Variants in PKP4 observed in about 807,000 individuals in gnomAD.
The protein encoded by PKP4 is plakophilin-4.
A neutral mutation model predicts 145.1 loss-of-function variants in PKP4; 90 were observed. The ratio of observed to expected loss-of-function variants is 0.62; its 90% CI spans 0.52 to 0.74. The LOEUF (loss-of-function observed/expected upper bound fraction) is 0.74. PKP4 is among the 30% of genes least tolerant of loss of function. The pLI, the probability that PKP4 is intolerant of heterozygous loss-of-function variation, is 0.00. For missense variants in PKP4, 1,340 were observed against 1,482.7 expected (o/e 0.90, Z 1.58); for synonymous variants, 563 against 577.2 (o/e 0.98, Z 0.35).
At chr2:158,462,157 A>T (rs1689869401) in intron 1 of PKP4, among the ~76,000 whole-genome samples, 1 of 152,226 alleles carries the variant, frequency 6.6e-6, no homozygotes. Flanking sequence ...GTTTTGGCCC[A>T]TTGCAAGCTG....
At chr2:158,680,117 CA>C (rs2058339744) in intron 21 of PKP4, among the ~76,000 whole-genome samples, 1 of 152,196 alleles carries the variant, frequency 6.6e-6, no homozygotes, top group Admixed American at 6.5e-5. Context: ...CAGCTGAGCA[CA>C]CAGCAGGGCC....
chr2:158,559,020 T>C (rs1389904860), intron 2 of PKP4, among the ~76,000 whole-genome samples: 3 of 152,206 alleles, frequency 2.0e-5, no homozygotes, highest in Non-Finnish European at 4.4e-5. Context: ...ATGTAGGATG[T>C]TGGGTTAGTT....
chr2:158,626,269 T>G (rs2052776006), intron 7 of PKP4, among the ~76,000 whole-genome samples: 1 of 152,204 alleles, frequency 6.6e-6, no homozygotes, highest in African/African-American at 2.4e-5. Flanking sequence ...TGCACACACA[T>G]TGTGTTTTCT....
rs142447618 is a variant in PKP4, at chr2:158,584,128, G to A, written c.245+6745G>A. ...CCTGCTGGCGGGGACCCAGTGATTC[G>A]AGGCCAACTGAGGCTCCGGCTCCGA... On this transcript the variant is annotated intron_variant, in intron 3 of 21. Transcript: ENST00000389759. Among the ~76,000 whole-genome samples, 248 of 152,274 alleles carry A rather than the reference G, an allele frequency of 1.6e-3. 1 individual carries two copies. The highest frequency in any genetic ancestry group is 5.8e-3 in the African/African-American group (241 of 41,546).
At chr2:158,475,884 G>A (rs1351574478) in intron 1 of PKP4, among the ~76,000 whole-genome samples, 1 of 152,158 alleles carries the variant, frequency 6.6e-6, no homozygotes, top group Non-Finnish European at 1.5e-5. Context: ...AATACAGACT[G>A]TTATGATTCA....
At chr2:158,588,577 A>G (rs1235029167) in intron 3 of PKP4, among the ~76,000 whole-genome samples, 1 of 152,162 alleles carries the variant, frequency 6.6e-6, no homozygotes, top group Non-Finnish European at 1.5e-5. Context: ...TCTGGGATAT[A>G]TTTCTTAAAA....
Position 158,631,581 on chromosome 2 carries a change from G to A in PKP4, c.1154-172G>A, listed in dbSNP as rs77912740. 0.099 allele frequency among the ~76,000 whole-genome samples: 14,964 copies of A among 151,434 alleles called. 830 individuals carry two copies. The highest frequency in any genetic ancestry group is 0.17 in the Middle Eastern group (48 of 290). ...TTTTTTAATTATTTTTTGTAGAGAT[G>A]GGGTCTCACTCTGTTCCCAGACTGG... On this transcript the variant is annotated intron_variant, in intron 7 of 21. Transcript: ENST00000389759.
At chr2:158,577,183 A>G (rs1007315331) in intron 2 of PKP4, 88 bp from the exon 3 acceptor site, 24 of 765,034 alleles carry the variant, frequency 3.1e-5, no homozygotes, top group East Asian at 2.4e-4. Context: ...GTACGTTCCT[A>G]TGTTTCCTGT....
At chr2:158,533,666 C>A in intron 2 of PKP4, 1 of 355,480 alleles carries the variant, frequency 2.8e-6, no homozygotes, top group South Asian at 2.3e-5. Context: ...AACCTGAGGC[C>A]TGTAATAGCG....
At chr2:158,599,903 C>T (rs764702986) in intron 3 of PKP4, among the ~76,000 whole-genome samples, 17 of 152,124 alleles carry the variant, frequency 1.1e-4, no homozygotes, top group Non-Finnish European at 2.2e-4. Flanking sequence ...TTTTCTGACT[C>T]CTAATATGGG....
chr2:158,539,987 T>C (rs976513963), intron 2 of PKP4, among the ~76,000 whole-genome samples: 1 of 152,154 alleles, frequency 6.6e-6, no homozygotes, highest in African/African-American at 2.4e-5. Context: ...AACAGGTTTA[T>C]TCAGTATTTG....
At chr2:158,607,557 G>A (rs922961101) in intron 4 of PKP4, among the ~76,000 whole-genome samples, 6 of 152,148 alleles carry the variant, frequency 3.9e-5, no homozygotes, top group African/African-American at 1.2e-4. Flanking sequence ...GTGTCCTAGA[G>A]CTGGAGCAGT....
intron 4 of PKP4, among the ~76,000 whole-genome samples, chr2:158,607,037 A>G (rs1021942759): frequency 1.3e-5 from 2 of 152,180 alleles, no homozygotes; most frequent in African/African-American, 2.4e-5. Context: ...ATAAAATTGT[A>G]TTGGTACCTT....
Position 158,663,411 on chromosome 2 carries a change from G to C in PKP4, c.2543G>C (p.Gly848Ala). The change falls in exon 15 of 22, where the codon GGG becomes GCG. Residue 848 changes from glycine (G) to alanine (A), a missense_variant. Physicochemically the swap from Gly to Ala is moderately conservative, Grantham distance 60 (BLOSUM62 0). Coordinates refer to ENST00000389759, the MANE Select transcript of PKP4 (RefSeq NM_003628.6). The part of the protein sequence containing the change: ...SNPATLEGSA[G>A]SLQNLSAGNW... Reference sequence around the variant, plus strand: ...CCAGCCACCTTGGAAGGCTCTGCAGGGTCTCTCCAGAACCTCTCTGCTGGC... The same window carrying C: ...CCAGCCACCTTGGAAGGCTCTGCAGCGTCTCTCCAGAACCTCTCTGCTGGC... The C allele has an allele frequency of 1.2e-6, 2 of 1,613,996 alleles. No individual in the cohort carries two copies.
At chr2:158,472,495 C>G (rs1178070817) in intron 1 of PKP4, among the ~76,000 whole-genome samples, 1 of 151,526 alleles carries the variant, frequency 6.6e-6, no homozygotes, top group African/African-American at 2.4e-5. Flanking sequence ...CGCCTATAAT[C>G]CCAGCTACTC....
chr2:158,463,343 C>T (rs528151870), intron 1 of PKP4, among the ~76,000 whole-genome samples: 2 of 150,922 alleles, frequency 1.3e-5, no homozygotes, highest in South Asian at 4.2e-4. Flanking sequence ...CATTTAACAC[C>T]ATTTGCCCAA....
intron 2 of PKP4, among the ~76,000 whole-genome samples, chr2:158,546,543 G>T (rs933286393): frequency 6.6e-6 from 1 of 152,198 alleles, no homozygotes; most frequent in South Asian, 2.1e-4. Context: ...GAGAGAAGTA[G>T]CACCATAGGG....
intron 3 of PKP4, among the ~76,000 whole-genome samples, chr2:158,585,838 C>G (rs146428661): frequency 6.8e-6 from 1 of 146,500 alleles, no homozygotes; most frequent in East Asian, 2.0e-4. Context: ...TAAGTATATT[C>G]AGAGTTGTGC....
At chr2:158,534,479 A>T (rs1200907510) in intron 2 of PKP4, among the ~76,000 whole-genome samples, 1 of 152,184 alleles carries the variant, frequency 6.6e-6, no homozygotes, top group African/African-American at 2.4e-5. Flanking sequence ...CTTCCACCAA[A>T]CTATAAAATG....
Sources: allele counts gnomAD v4.1 joint callset (sites outside exome capture counted in the v4.1 genomes callset), GRCh38; gene constraint gnomAD v4.1.1; transcripts MANE v1.5; gene names NCBI Gene and HGNC (gene_info 2026-07-23, HGNC 2026-07-21).